The following FBN1 variants were observed in gnomAD, a reference collection of about 807,000 sequenced individuals.
The protein encoded by FBN1 is fibrillin 1, also known as fibrillin-1.
Under a neutral mutation model 365.1 loss-of-function variants are expected in FBN1, and 29 were observed. The ratio of observed to expected loss-of-function variants is 0.08; its 90% confidence interval spans 0.06 to 0.11. FBN1 has a LOEUF of 0.11. Among genes scored for constraint, FBN1 ranks in the 10% least tolerant of loss-of-function variants. The pLI is 1.00. For missense variants in FBN1, 2,476 were observed against 3,703.2 expected (o/e 0.67, Z 8.60); for synonymous variants, 1,210 against 1,270.5 (o/e 0.95, Z 1.01).
chr15:48,421,764 G>A (rs2042944304), intron 61 of FBN1, 78 bp from the exon 62 acceptor site: 8 of 1,547,508 alleles, frequency 5.2e-6, no homozygotes, highest in Non-Finnish European at 7.0e-6. Context: ...AAAATTAGAA[G>A]GATAACTCGG....
intron 18 of FBN1, 49 bp from the exon 19 acceptor site, chr15:48,497,440 T>C: frequency 2.0e-6 from 3 of 1,529,074 alleles, no homozygotes; most frequent in Non-Finnish European, 2.7e-6. Context: ...AAATAAATAC[T>C]GAATGAATTG....
chr15:48,644,526 C>T, intron 2 of FBN1, 80 bp downstream of exon 2: 1 of 1,601,600 alleles, frequency 6.2e-7, no homozygotes, highest in Non-Finnish European at 8.5e-7. Flanking sequence ...GAGTCTTCCA[C>T]AGGGAGAGTC....
chr15:48,613,238 G>A (rs2044671033), intron 2 of FBN1, 146 bp from the exon 3 acceptor site: 1 of 687,640 alleles, frequency 1.5e-6, no homozygotes, highest in East Asian at 2.7e-5. Context: ...ACTCAATGCT[G>A]GGTTGGTAGC....
At chr15:48,581,957 G>C (rs1489985978) in intron 6 of FBN1, among the ~76,000 whole-genome samples, 2 of 152,118 alleles carry the variant, frequency 1.3e-5, no homozygotes, top group African/African-American at 2.4e-5. Context: ...AAATATGAAG[G>C]GTTGCCCCAA....
chr15:48,640,332 T>C (rs912529020), intron 2 of FBN1, among the ~76,000 whole-genome samples: 4 of 152,112 alleles, frequency 2.6e-5, no homozygotes, highest in Non-Finnish European at 5.9e-5. Flanking sequence ...TAAAAAAAAA[T>C]TGTGTCCCAA....
chr15:48,485,123 T>C (rs2043494437), intron 30 of FBN1, among the ~76,000 whole-genome samples: 1 of 152,224 alleles, frequency 6.6e-6, no homozygotes, highest in African/African-American at 2.4e-5. Context: ...TGAAGGAAAA[T>C]GTATTTTATA....
At chr15:48,606,589 T>C (rs1045605372) in intron 4 of FBN1, among the ~76,000 whole-genome samples, 1 of 152,234 alleles carries the variant, frequency 6.6e-6, no homozygotes, top group African/African-American at 2.4e-5. Flanking sequence ...GAGAGAATTA[T>C]GTCGGGAAGA....
At chr15:48,486,967 G>A (rs2043512067) in intron 29 of FBN1, 108 bp downstream of exon 29, 5 of 864,074 alleles carry the variant, frequency 5.8e-6, no homozygotes, top group South Asian at 3.2e-5. Flanking sequence ...AGAGTACATA[G>A]AGTGTTTTAG....
chr15:48,415,615 G>A lies in FBN1; in HGVS notation c.7972C>T (p.Pro2658Ser). Reference protein sequence around the residue: ...DINECGSAQAPCSYGCSNTEG... With the variant: ...DINECGSAQASCSYGCSNTEG... The stretch of plus-strand genomic sequence containing the variant: ...GTATTGGAACAGCCATAGCTGCAGG[G>A]GGCCTGCGCAGAGCCACATTCATTG... The change falls in exon 64 of 66, where the codon CCC becomes TCC. Residue 2658 changes from proline (P) to serine (S), a missense_variant. Pro to Ser is a moderately conservative substitution (Grantham distance 74). Transcript: ENST00000316623. 1 of 1,614,240 alleles carries A rather than the reference G, an allele frequency of 6.2e-7. No homozygotes were observed. The highest frequency in any genetic ancestry group is 8.5e-7 in the Non-Finnish European group (1 of 1,180,040).
At chr15:48,608,984 G>C (rs1374773530) in intron 4 of FBN1, among the ~76,000 whole-genome samples, 2 of 152,228 alleles carry the variant, frequency 1.3e-5, no homozygotes, top group Non-Finnish European at 2.9e-5. Context: ...CCCCAGAGGA[G>C]TGCAATGTTG....
intron 55 of FBN1, 108 bp from the exon 56 acceptor site, chr15:48,430,910 T>TA: frequency 9.9e-7 from 1 of 1,014,164 alleles, no homozygotes; most frequent in Non-Finnish European, 1.5e-6. Context: ...TTTCATCTGT[T>TA]ATTTCACTAC....
intron 35 of FBN1, among the ~76,000 whole-genome samples, chr15:48,471,141 A>C (rs1029121251): frequency 2.0e-5 from 3 of 152,086 alleles, no homozygotes; most frequent in African/African-American, 7.2e-5. Context: ...AAATTTCACA[A>C]GCCACAATGT....
chr15:48,604,102 T>C (rs1372355009), intron 4 of FBN1, among the ~76,000 whole-genome samples: 2 of 148,290 alleles, frequency 1.3e-5, no homozygotes, highest in Non-Finnish European at 2.9e-5. Flanking sequence ...AGTTCTTAAA[T>C]GATTCATCAG....
intron 43 of FBN1, among the ~76,000 whole-genome samples, chr15:48,457,062 T>C (rs2043246403): frequency 6.6e-6 from 1 of 152,016 alleles, no homozygotes; most frequent in Non-Finnish European, 1.5e-5. Context: ...ATGCACCAGA[T>C]GAGTAGAATA....
At chr15:48,487,257 G>T in intron 28 of FBN1, 55 bp downstream of exon 28, 1 of 1,614,166 alleles carries the variant, frequency 6.2e-7, no homozygotes, top group Non-Finnish European at 8.5e-7. Context: ...CTTTGGCAAT[G>T]ATGTCATTCA....
intron 6 of FBN1, among the ~76,000 whole-genome samples, chr15:48,544,598 G>C (rs1289011959): frequency 1.3e-5 from 2 of 152,164 alleles, no homozygotes; most frequent in Non-Finnish European, 2.9e-5. Context: ...CTAACATGCA[G>C]ACTAAGCAAT....
intron 57 of FBN1, 122 bp downstream of exon 57, chr15:48,428,224 T>C (rs983924661): frequency 6.0e-5 from 79 of 1,308,194 alleles, no homozygotes; most frequent in Middle Eastern, 5.1e-4. Context: ...CTCCAAAATA[T>C]GAACATTTTT....
intron 11 of FBN1, 106 bp from the exon 12 acceptor site, chr15:48,515,633 A>ACCTT: frequency 6.7e-7 from 1 of 1,484,378 alleles, no homozygotes; most frequent in Non-Finnish European, 9.3e-7. Flanking sequence ...AGGAAAGAGG[A>ACCTT]TACTCTTTGG....
In FBN1 at chr15:48,409,864, T is replaced by C. The variant is rs1444731367; in HGVS notation, c.*1126A>G. 6.6e-6 allele frequency: 1 copy of C among 152,164 alleles called. No individual in the cohort carries two copies. The highest frequency in any genetic ancestry group is 1.5e-5 in the Non-Finnish European group (1 of 68,022). The allele number at this position is 152,164 out of a possible 1,614,324, so 9.4% of individuals were successfully genotyped here. ...ACAATCTAAATTTCTCACAAGCAAG[T>C]CAGGTTAATGACACCAGACTCTGCT... is the stretch of plus-strand genomic sequence containing the variant. On this transcript the variant is annotated 3_prime_UTR_variant, in exon 66 of 66. Transcript: ENST00000316623.
Sources: gnomAD v4.1 joint callset for allele counts (sites outside exome capture counted in the v4.1 genomes callset) on GRCh38, gnomAD v4.1.1 for gene constraint, MANE v1.5 for transcripts, NCBI Gene and HGNC (gene_info 2026-07-23, HGNC 2026-07-21) for gene names.